The following SHANK2 variants were observed in gnomAD, a reference collection of about 807,000 sequenced individuals.
The protein encoded by SHANK2 is SH3 and multiple ankyrin repeat domains 2.
SHANK2 carries 43 observed loss-of-function variants against 133.7 expected under a neutral mutation model. The ratio of observed to expected loss-of-function variants is 0.32; its 90% confidence interval spans 0.25 to 0.41. The LOEUF is 0.41. Ranked by LOEUF, SHANK2 falls within the 10% of genes least tolerant of loss-of-function variation. SHANK2 has a pLI of 1.00. For synonymous variants in SHANK2, 1,017 were observed against 952.8 expected, an observed-to-expected ratio of 1.07 and a Z score of -1.24; for missense variants, 1,994 against 2,235.8, an observed-to-expected ratio of 0.89 and a Z score of 2.18.
intron 14 of SHANK2, among the ~76,000 whole-genome samples, chr11:70,784,016 C>T (rs1947578188): frequency 6.6e-6 from 1 of 152,142 alleles, no homozygotes; most frequent in Non-Finnish European, 1.5e-5. Flanking sequence ...CCACTGGGGA[C>T]AGGCTGGAAG....
At chr11:70,824,779 T>A (rs1948612404) in intron 11 of SHANK2, among the ~76,000 whole-genome samples, 1 of 152,140 alleles carries the variant, frequency 6.6e-6, no homozygotes, top group African/African-American at 2.4e-5. Flanking sequence ...GGCTTCCGGG[T>A]GATCCGGGAA....
rs183471604 is a variant in SHANK2, at chr11:71,244,287, C to A, written c.-113+8138G>T. On this transcript the variant is annotated intron_variant, in intron 1 of 25. Coordinates refer to ENST00000601538, the MANE Select transcript of SHANK2 (RefSeq NM_012309.5). ...GAGGGCCTGCCCCTGGGGTCGGAAC[C>A]AGCTGGTGGCTGTCTGAAGCCCCTG... is the stretch of plus-strand genomic sequence containing the variant. 2.6e-4 allele frequency among the ~76,000 whole-genome samples: 40 copies of A among 152,364 alleles called. No individual in the cohort carries two copies. In the East Asian group the frequency reaches 6.2e-3, roughly 24 times the overall value.
At chr11:70,757,017 C>A (rs941848006) in intron 14 of SHANK2, among the ~76,000 whole-genome samples, 3 of 152,158 alleles carry the variant, frequency 2.0e-5, no homozygotes, top group Non-Finnish European at 2.9e-5. Flanking sequence ...TGATATTGGA[C>A]GTTTGGCAAG....
intron 6 of SHANK2, among the ~76,000 whole-genome samples, chr11:71,096,265 T>G (rs1225719558): frequency 1.3e-5 from 2 of 152,206 alleles, no homozygotes; most frequent in African/African-American, 2.4e-5. Flanking sequence ...CTAAGGGACT[T>G]CAGTGGCAGT....
chr11:70,945,526 C>T (rs533555046), intron 10 of SHANK2, among the ~76,000 whole-genome samples: 1 of 152,312 alleles, frequency 6.6e-6, no homozygotes, highest in South Asian at 2.1e-4. Context: ...CTCCAGACTG[C>T]CACCTCACCA....
At chr11:70,898,274 A>ACACACATG (rs1949967960) in intron 10 of SHANK2, among the ~76,000 whole-genome samples, 2 of 81,310 alleles carry the variant, frequency 2.5e-5, no homozygotes, top group Middle Eastern at 4.9e-3. Flanking sequence ...CCAAATATAT[A>ACACACATG]CACACACGCA....
chr11:71,097,141 C>CT, intron 6 of SHANK2, among the ~76,000 whole-genome samples: 1 of 152,330 alleles, frequency 6.6e-6, no homozygotes, highest in East Asian at 1.9e-4. Flanking sequence ...GGAATCCCTC[C>CT]TCAAGTGATG....
At chr11:70,544,011 G>A (rs889441033) in intron 17 of SHANK2, among the ~76,000 whole-genome samples, 1 of 152,212 alleles carries the variant, frequency 6.6e-6, no homozygotes, top group Non-Finnish European at 1.5e-5. Flanking sequence ...AACTGAGTTT[G>A]CTTTTTCCTA....
chr11:70,746,671 C>T (rs1555036183), intron 14 of SHANK2, among the ~76,000 whole-genome samples: 1 of 152,178 alleles, frequency 6.6e-6, no homozygotes, highest in Non-Finnish European at 1.5e-5. Context: ...CCGATGGGAG[C>T]CTCTGGGTCT....
At chr11:70,929,449 T>A (rs1302415139) in intron 10 of SHANK2, among the ~76,000 whole-genome samples, 1 of 152,236 alleles carries the variant, frequency 6.6e-6, no homozygotes, top group East Asian at 1.9e-4. Flanking sequence ...AAAGGTGTGC[T>A]GTCAGCAGGG....
intron 11 of SHANK2, among the ~76,000 whole-genome samples, chr11:70,889,036 G>A (rs1198957396): frequency 6.6e-6 from 1 of 152,150 alleles, no homozygotes; most frequent in Non-Finnish European, 1.5e-5. Context: ...CCTAGAGTGG[G>A]TGGAATGGTG....
Position 70,933,930 on chromosome 11 carries a change from C to A in SHANK2, c.1108-37363G>T, listed in dbSNP as rs370129547. 7.3e-4 allele frequency among the ~76,000 whole-genome samples: 105 copies of A among 143,554 alleles called. 1 individual carries two copies. The highest frequency in any genetic ancestry group is 5.5e-3 in the East Asian group (27 of 4,866). The allele number at this position is 143,554 out of a possible 152,430, so 94.2% of individuals were successfully genotyped here. On this transcript the variant is annotated intron_variant, in intron 10 of 25. Transcript: ENST00000601538. ...AAAAAAAAAACAAAAAACAAACAAACAAACAAACAAAACAACAACAGCTGG... is the reference window on the plus strand; with the variant it reads ...AAAAAAAAAACAAAAAACAAACAAAAAAACAAACAAAACAACAACAGCTGG...
intron 11 of SHANK2, among the ~76,000 whole-genome samples, chr11:70,876,809 G>C (rs763355364): frequency 2.0e-5 from 3 of 152,140 alleles, no homozygotes; most frequent in African/African-American, 4.8e-5. Context: ...GAGCAACGGT[G>C]GGGTAGGGGA....
chr11:70,613,830 T>C (rs1001760087), intron 17 of SHANK2, among the ~76,000 whole-genome samples: 1 of 133,074 alleles, frequency 7.5e-6, no homozygotes, highest in Non-Finnish European at 1.6e-5. Flanking sequence ...AGTGGCACAA[T>C]CTCAGCTCAC....
chr11:71,098,806 G>A (rs12807127), intron 6 of SHANK2, among the ~76,000 whole-genome samples: 1 of 152,134 alleles, frequency 6.6e-6, no homozygotes, highest in Admixed American at 6.5e-5. Flanking sequence ...TCTGTCCTCA[G>A]GGGGTGATGC....
At chr11:71,067,974 CCAT>C (rs1453296253) in intron 9 of SHANK2, among the ~76,000 whole-genome samples, 3 of 151,854 alleles carry the variant, frequency 2.0e-5, no homozygotes, top group Non-Finnish European at 2.9e-5. Flanking sequence ...ATCCTCACCA[CCAT>C]CATCACCACC....
chr11:70,536,460 T>G (rs1306698055), intron 17 of SHANK2, among the ~76,000 whole-genome samples: 1 of 152,174 alleles, frequency 6.6e-6, no homozygotes, highest in Non-Finnish European at 1.5e-5. Context: ...GCTGGCGAGC[T>G]GTCCCCATGA....
intron 14 of SHANK2, among the ~76,000 whole-genome samples, chr11:70,709,679 C>T (rs946765701): frequency 4.6e-5 from 7 of 152,228 alleles, no homozygotes; most frequent in Admixed American, 2.0e-4. Context: ...GCTTAGCGCA[C>T]ACACTCAGTG....
chr11:71,213,900 C>T (rs1323981236), intron 2 of SHANK2, among the ~76,000 whole-genome samples: 2 of 152,204 alleles, frequency 1.3e-5, no homozygotes, highest in African/African-American at 4.8e-5. Flanking sequence ...TTCCCAAAGA[C>T]AGTAAGTGGC....
Sources: allele counts gnomAD v4.1 joint callset (sites outside exome capture counted in the v4.1 genomes callset), GRCh38; gene constraint gnomAD v4.1.1; transcripts MANE v1.5; gene names NCBI Gene and HGNC (gene_info 2026-07-23, HGNC 2026-07-21).